The following DENND5B variants were observed in gnomAD, a reference collection of about 807,000 sequenced individuals.
The protein encoded by DENND5B is DENN domain-containing protein 5B.
DENND5B carries 34 observed loss-of-function variants against 140.6 expected under a neutral mutation model. The ratio of observed to expected loss-of-function variants is 0.24; its 90% CI spans 0.18 to 0.32. The LOEUF is 0.32. Among genes scored for constraint, DENND5B ranks in the 10% least tolerant of loss-of-function variants. The pLI is 1.00. For synonymous variants in DENND5B, 551 were observed against 562.1 expected (o/e 0.98, Z 0.28); for missense variants, 1,142 against 1,560.2 (o/e 0.73, Z 4.52).
chr12:31,389,948 T>C (rs766836806), intron 19 of DENND5B, among the ~76,000 whole-genome samples: 3 of 151,778 alleles, frequency 2.0e-5, no homozygotes, highest in Non-Finnish European at 2.9e-5. Flanking sequence ...AAGAGAGATA[T>C]ATGTATATAC....
At chr12:31,446,751 C>T (rs889314126) in intron 6 of DENND5B, among the ~76,000 whole-genome samples, 6 of 151,436 alleles carry the variant, frequency 4.0e-5, no homozygotes, top group African/African-American at 7.3e-5. Flanking sequence ...AAAAATTAGC[C>T]GGGTGTGGTG....
intron 1 of DENND5B, among the ~76,000 whole-genome samples, chr12:31,549,210 T>C (rs979926355): frequency 6.6e-6 from 1 of 152,162 alleles, no homozygotes; most frequent in Non-Finnish European, 1.5e-5. Context: ...AAGTTCATTT[T>C]TAAATTCTGA....
Position 31,447,303 on chromosome 12 carries a change from C to T in DENND5B, c.1861+235G>A, listed in dbSNP as rs1310152707. Among the ~76,000 whole-genome samples the T allele has an allele frequency of 1.3e-5, 2 of 151,782 alleles. 1 individual carries two copies. Among genetic ancestry groups the T allele is most frequent in the Non-Finnish European group, 2.9e-5 (2 of 67,918 alleles). ...AAACAAAAACAAAAATCATAGCAAC[C>T]TTCCAGACATACTTGATTCAATTTA... On this transcript the variant is annotated intron_variant, in intron 6 of 20. Coordinates refer to ENST00000389082, the MANE Select transcript of DENND5B (RefSeq NM_144973.4).
chr12:31,457,690 C>T lies in DENND5B; in HGVS notation c.1092+2504G>A, dbSNP rs1944834233. The stretch of plus-strand genomic sequence containing the variant: ...ACAATGATGTCCTAATTTATAGTTT[C>T]TACACAGAAGCACTGCTATTTTCTT... On this transcript the variant is annotated intron_variant, in intron 4 of 20. Coordinates refer to ENST00000389082, the MANE Select transcript of DENND5B (RefSeq NM_144973.4). Among the ~76,000 whole-genome samples the T allele has an allele frequency of 4.0e-5, 6 of 151,782 alleles. No homozygotes were observed. The South Asian group carries it at 1.2e-3, about 32-fold the overall frequency.
intron 1 of DENND5B, among the ~76,000 whole-genome samples, chr12:31,535,508 C>T (rs1948462198): frequency 6.6e-6 from 1 of 152,146 alleles, no homozygotes; most frequent in African/African-American, 2.4e-5. Context: ...GAGTCTCTGC[C>T]TGGTAATCCA....
chr12:31,433,073 C>T (rs2682695), intron 8 of DENND5B, 82 bp downstream of exon 8: 251,245 of 1,146,276 alleles, frequency 0.22, 29,982 homozygotes, highest in Non-Finnish European at 0.25. Context: ...CATTAAGAAT[C>T]TACACAATGA....
At chr12:31,394,216 G>C (rs1941310972) in intron 17 of DENND5B, among the ~76,000 whole-genome samples, 1 of 151,670 alleles carries the variant, frequency 6.6e-6, no homozygotes, top group African/African-American at 2.4e-5. Context: ...AAAGAGCTTT[G>C]ATCAGTATTA....
At chr12:31,507,721 G>C (rs750235696) in intron 1 of DENND5B, among the ~76,000 whole-genome samples, 1 of 152,086 alleles carries the variant, frequency 6.6e-6, no homozygotes, top group Admixed American at 6.5e-5. Context: ...AATGTCATGC[G>C]CTTGCCAGTG....
intron 1 of DENND5B, among the ~76,000 whole-genome samples, chr12:31,546,887 T>G (rs1948883292): frequency 6.6e-6 from 1 of 152,238 alleles, no homozygotes; most frequent in South Asian, 2.1e-4. Context: ...ATTTTGAGTT[T>G]ACAGTCCGCA....
rs190046748 is a variant in DENND5B, at chr12:31,423,607, T to C, written c.2460A>G (p.Ala820=). The C allele has an allele frequency of 6.3e-4, 1,020 of 1,613,934 alleles. 1 individual carries two copies. The African/African-American group carries it at 0.013, about 20-fold the overall frequency. ...QDREEKQEHL[A]ESPVALGPER... The stretch of plus-strand genomic sequence containing the variant: ...CCAATGATGTCATACCTGGTGATTC[T>C]GCAAGGTGCTCTTGTTTCTCTTCTC... The change falls in exon 11 of 21, where the codon GCA becomes GCG. Residue 820 remains alanine, a synonymous_variant. Coordinates refer to ENST00000389082, the MANE Select transcript of DENND5B (RefSeq NM_144973.4).
At chr12:31,487,490 G>A (rs548522950) in intron 2 of DENND5B, among the ~76,000 whole-genome samples, 1 of 152,198 alleles carries the variant, frequency 6.6e-6, no homozygotes, top group African/African-American at 2.4e-5. Context: ...CTGAGCTCAG[G>A]AGTTCAAGAC....
At chr12:31,580,588 G>A (rs1264051006) in intron 1 of DENND5B, among the ~76,000 whole-genome samples, 3 of 152,034 alleles carry the variant, frequency 2.0e-5, no homozygotes, top group African/African-American at 7.2e-5. Flanking sequence ...TTGACATCCT[G>A]GGTTCAAGCG....
At chr12:31,432,876 CAT>C (rs1277681506) in intron 8 of DENND5B, 5 of 336,164 alleles carry the variant, frequency 1.5e-5, no homozygotes, top group Non-Finnish European at 2.2e-5. Context: ...CTATAGGAGA[CAT>C]AGTAACTAAA....
intron 1 of DENND5B, among the ~76,000 whole-genome samples, chr12:31,577,879 C>T (rs1160790092): frequency 6.6e-6 from 1 of 151,984 alleles, no homozygotes; most frequent in Non-Finnish European, 1.5e-5. Context: ...AACCTAAGCA[C>T]TTTAGGAGGC....
intron 1 of DENND5B, among the ~76,000 whole-genome samples, chr12:31,580,398 T>A (rs75889868): frequency 0.02 from 3,119 of 152,340 alleles, 55 homozygotes; most frequent in South Asian, 0.052. Context: ...TACCTTTTTT[T>A]AGAAATCATT....
At chr12:31,468,649 A>C (rs1945389497) in intron 3 of DENND5B, among the ~76,000 whole-genome samples, 1 of 151,036 alleles carries the variant, frequency 6.6e-6, no homozygotes, top group South Asian at 2.1e-4. Flanking sequence ...ATTTCAAAAA[A>C]TAAAAAAAAA....
intron 8 of DENND5B, 126 bp from the exon 9 acceptor site, chr12:31,426,550 C>T (rs928431352): frequency 9.2e-7 from 1 of 1,084,424 alleles, no homozygotes; most frequent in Admixed American, 2.9e-5. Flanking sequence ...GTGCATATAA[C>T]AACAATTAAT....
chr12:31,574,230 T>C (rs1306015157), intron 1 of DENND5B, among the ~76,000 whole-genome samples: 3 of 149,284 alleles, frequency 2.0e-5, no homozygotes, highest in Non-Finnish European at 4.4e-5. Context: ...GCCACTGCAC[T>C]CCAGCATGGG....
intron 1 of DENND5B, among the ~76,000 whole-genome samples, chr12:31,578,327 C>T (rs1240149885): frequency 6.6e-6 from 1 of 152,136 alleles, no homozygotes; most frequent in Non-Finnish European, 1.5e-5. Context: ...TGTTGAGACA[C>T]ACACTCCCAT....
Sources: gnomAD v4.1 joint callset for allele counts (sites outside exome capture counted in the v4.1 genomes callset) on GRCh38, gnomAD v4.1.1 for gene constraint, MANE v1.5 for transcripts, NCBI Gene and HGNC (gene_info 2026-07-23, HGNC 2026-07-21) for gene names.